CASP5: variants seen among roughly 807,000 people sequenced by gnomAD.
CASP5 encodes the protein caspase 5, also known as caspase-5.
CASP5 carries 42 observed loss-of-function variants against 45.2 expected under a neutral mutation model. That is an observed-to-expected ratio of 0.93 (90% CI 0.73 to 1.20). The LOEUF (loss-of-function observed/expected upper bound fraction) is 1.20. Ranked by LOEUF, CASP5 falls within the 50% of genes most tolerant of loss-of-function variation. The probability of loss-of-function intolerance (pLI) is 0.00; values close to 1 mark genes in which losing one functional copy is unlikely to be tolerated. For synonymous variants in CASP5, 209 were observed against 186.2 expected (o/e 1.12, Z -1.00); for missense variants, 512 against 532.2 (o/e 0.96, Z 0.37).
chr11:105,017,735 G>A (rs1476265326), intron 1 of CASP5, among the ~76,000 whole-genome samples: 10 of 151,912 alleles, frequency 6.6e-5, no homozygotes, highest in Non-Finnish European at 1.2e-4. Context: ...ACACTCTGCA[G>A]GATATTATCC....
At chr11:105,005,649 G>T (rs1861967313) in intron 3 of CASP5, among the ~76,000 whole-genome samples, 1 of 152,058 alleles carries the variant, frequency 6.6e-6, no homozygotes, top group African/African-American at 2.4e-5. Context: ...CCTCCTGCAG[G>T]GATCTGCAGC....
In CASP5 at chr11:105,007,239, G is replaced by T. The variant is rs759895150; in HGVS notation, c.277C>A (p.Leu93Met). Residue 93 changes from leucine to methionine, a missense_variant, in exon 3 of 10, where the codon CTG (leucine) becomes ATG (methionine). Leu to Met is a conservative substitution (Grantham distance 15). Coordinates refer to ENST00000260315, the MANE Select transcript of CASP5 (RefSeq NM_004347.5). ...TTCTTTTCCTCTTCCTTCAATGTCA[G>T]AACATCGTGTTTTGCCAAATAATTA... The part of the protein sequence containing the change: ...VFNYLAKHDV[L>M]TLKEEEKKKY... 34 of 1,612,872 alleles carry T rather than the reference G, an allele frequency of 2.1e-5. No individual in the cohort carries two copies. The highest frequency in any genetic ancestry group is 2.8e-5 in the Non-Finnish European group (33 of 1,179,660).
At chr11:105,014,214 G>A (rs549572440) in intron 1 of CASP5, among the ~76,000 whole-genome samples, 15 of 151,980 alleles carry the variant, frequency 9.9e-5, no homozygotes, top group Middle Eastern at 3.4e-3. Flanking sequence ...TTCATTTAAT[G>A]TCTAGTCCAG....
At chr11:104,999,653 T>A (rs1861628765) in intron 6 of CASP5, among the ~76,000 whole-genome samples, 1 of 152,212 alleles carries the variant, frequency 6.6e-6, no homozygotes, top group Non-Finnish European at 1.5e-5. Flanking sequence ...TTCAACAATG[T>A]GTAAATTAAT....
intron 1 of CASP5, among the ~76,000 whole-genome samples, chr11:105,016,686 A>C (rs1208749052): frequency 2.0e-5 from 3 of 152,172 alleles, no homozygotes; most frequent in African/African-American, 7.2e-5. Context: ...TTGCTAGCAC[A>C]GCAGTCTGAG....
intron 1 of CASP5, among the ~76,000 whole-genome samples, chr11:105,014,561 G>A (rs1403596451): frequency 2.6e-5 from 4 of 152,106 alleles, no homozygotes; most frequent in Admixed American, 6.6e-5. Context: ...AGAAACAAAT[G>A]AATAAATTTT....
At chr11:104,997,350 A>C (rs1210957431) in intron 8 of CASP5, 33 bp downstream of exon 8, 5 of 1,388,612 alleles carry the variant, frequency 3.6e-6, no homozygotes, top group Admixed American at 3.4e-5. Flanking sequence ...TGAGCAAATA[A>C]GTAAATGACT....
chr11:105,012,161 T>C (rs1048302041), intron 1 of CASP5, among the ~76,000 whole-genome samples: 5 of 151,534 alleles, frequency 3.3e-5, no homozygotes, highest in Non-Finnish European at 7.4e-5. Flanking sequence ...TTTGACAAAG[T>C]TTCAAGAACA....
At chr11:105,020,075 A>T (rs569982217) in intron 1 of CASP5, among the ~76,000 whole-genome samples, 1 of 145,888 alleles carries the variant, frequency 6.9e-6, no homozygotes, top group South Asian at 2.2e-4. Flanking sequence ...ATCTCAATAG[A>T]TGCAGAAAAG....
At chr11:105,015,079 C>A (rs1862522372) in intron 1 of CASP5, among the ~76,000 whole-genome samples, 1 of 152,122 alleles carries the variant, frequency 6.6e-6, no homozygotes, top group Non-Finnish European at 1.5e-5. Context: ...AGTGTGCAGC[C>A]AGGACTGAAG....
At chr11:105,000,773 T>A (rs959910518) in intron 5 of CASP5, among the ~76,000 whole-genome samples, 1 of 152,174 alleles carries the variant, frequency 6.6e-6, no homozygotes, top group African/African-American at 2.4e-5. Context: ...ATATTACTTT[T>A]TTTTATCTCA....
rs144697764 is a variant in CASP5, at chr11:105,007,314, T to G, written c.202A>C (p.Thr68Pro). ...SVKKDNHKKK[T>P]VKMLEYLGKD... ...CCCAGGTATTCCAACATCTTAACTG[T>G]TTTTTTTTTGTGGTTGTCTTCTGTC... The change falls in exon 3 of 10, where the codon ACA (threonine) becomes CCA (proline). Residue 68 changes from threonine to proline, a missense_variant. Thr to Pro is a conservative substitution (Grantham distance 38). Coordinates refer to ENST00000260315, the MANE Select transcript of CASP5 (RefSeq NM_004347.5). The G allele has an allele frequency of 2.1e-5, 29 of 1,413,316 alleles. No individual in the cohort carries two copies. In the Admixed American group the frequency reaches 5.1e-4, roughly 25 times the overall value. The allele number at this position is 1,413,316 out of a possible 1,614,324, so 87.5% of individuals were successfully genotyped here.
chr11:105,007,209 A>AT lies in CASP5; in HGVS notation c.306dup (p.Tyr103IlefsTer3). On this transcript the variant is annotated frameshift_variant, in exon 3 of 10. Coordinates refer to ENST00000260315, the MANE Select transcript of CASP5 (RefSeq NM_004347.5). LOFTEE classifies it high-confidence loss of function. ...TTGTCTTCAATTTTGGTATCATAAT[A>AT]TTTTTTCTTTTCCTCTTCCTTCAAT... 1 of 1,613,660 alleles carries AT rather than the reference A, an allele frequency of 6.2e-7. No individual in the cohort carries two copies. The highest frequency in any genetic ancestry group is 8.5e-7 in the Non-Finnish European group (1 of 1,179,814).
intron 2 of CASP5, 24 bp downstream of exon 2, chr11:105,008,783 C>G: frequency 3.9e-6 from 6 of 1,535,968 alleles, no homozygotes; most frequent in Non-Finnish European, 5.4e-6. Context: ...TTGGAAATAT[C>G]CATTGTAAAA....
intron 9 of CASP5, among the ~76,000 whole-genome samples, chr11:104,994,626 C>T (rs1861374223): frequency 6.6e-6 from 1 of 152,194 alleles, no homozygotes; most frequent in Non-Finnish European, 1.5e-5. Context: ...TGTTCAAGCA[C>T]ATTGTGATGA....
At chr11:105,015,226 C>T (rs989522085) in intron 1 of CASP5, among the ~76,000 whole-genome samples, 1 of 152,130 alleles carries the variant, frequency 6.6e-6, no homozygotes, top group Non-Finnish European at 1.5e-5. Context: ...AAGAAAATTT[C>T]GTAGTCCTTT....
chr11:104,995,586 T>C (rs1230128734), intron 9 of CASP5, among the ~76,000 whole-genome samples, 154 bp downstream of exon 9: 1 of 152,148 alleles, frequency 6.6e-6, no homozygotes, highest in African/African-American at 2.4e-5. Context: ...TGCATATAAG[T>C]AGAATAAAAA....
intron 1 of CASP5, among the ~76,000 whole-genome samples, chr11:105,010,254 A>C (rs1029861382): frequency 1.6e-4 from 24 of 151,350 alleles, no homozygotes; most frequent in African/African-American, 5.1e-4. Flanking sequence ...ACAAAAAGTT[A>C]CATTTAATAA....
chr11:105,021,358 C>T (rs1199734468), intron 1 of CASP5, among the ~76,000 whole-genome samples: 2 of 145,502 alleles, frequency 1.4e-5, no homozygotes, highest in Non-Finnish European at 3.1e-5. Context: ...AAACTACCGT[C>T]AGAGTGAACA....
Sources: allele counts gnomAD v4.1 joint callset (sites outside exome capture counted in the v4.1 genomes callset), GRCh38; gene constraint gnomAD v4.1.1; transcripts MANE v1.5; gene names NCBI Gene and HGNC (gene_info 2026-07-23, HGNC 2026-07-21).